Variants in NOSTRIN observed in about 807,000 individuals in gnomAD.
The protein encoded by NOSTRIN is nitric oxide synthase trafficking, also known as BM247 homolog.
A neutral mutation model predicts 59.0 loss-of-function variants in NOSTRIN; 63 were observed. The observed-to-expected ratio is 1.07, with a 90% confidence interval of 0.87 to 1.32. The LOEUF (loss-of-function observed/expected upper bound fraction) is 1.32. Among genes scored for constraint, NOSTRIN ranks in the 40% most tolerant of loss-of-function variants. NOSTRIN has a pLI of 0.00. For missense variants in NOSTRIN, 512 were observed against 473.1 expected, an observed-to-expected ratio of 1.08 and a Z score of -0.76; for synonymous variants, 200 against 165.4, an observed-to-expected ratio of 1.21 and a Z score of -1.61.
At chr2:168,848,786 C>T (rs764718648) in intron 8 of NOSTRIN, among the ~76,000 whole-genome samples, 6 of 151,842 alleles carry the variant, frequency 4.0e-5, no homozygotes, top group Non-Finnish European at 7.4e-5. Flanking sequence ...GGATGCAGAG[C>T]GTAGGAAATG....
intron 1 of NOSTRIN, among the ~76,000 whole-genome samples, chr2:168,804,388 G>T (rs1043843350): frequency 6.6e-6 from 1 of 152,122 alleles, no homozygotes; most frequent in Non-Finnish European, 1.5e-5. Flanking sequence ...TATCCCTTCA[G>T]CCTGGGTTTC....
upstream of NOSTRIN, among the ~76,000 whole-genome samples, chr2:168,794,305 G>A (rs2105501437): frequency 1.3e-5 from 2 of 151,920 alleles, no homozygotes; most frequent in African/African-American, 4.8e-5. Flanking sequence ...GTTGTGAGAG[G>A]AGCTGACTTA....
intron 2 of NOSTRIN, among the ~76,000 whole-genome samples, chr2:168,822,883 G>T (rs1364384742): frequency 6.6e-6 from 1 of 152,176 alleles, no homozygotes; most frequent in East Asian, 1.9e-4. Flanking sequence ...CCATTAGAAA[G>T]TTCTGCTTGG....
At chr2:168,811,509 C>T (rs1301804664) in intron 1 of NOSTRIN, 58 bp from the exon 2 acceptor site, 11 of 652,534 alleles carry the variant, frequency 1.7e-5, no homozygotes, top group Admixed American at 2.9e-5. Context: ...GCTCTATCTT[C>T]GGAGTTGCTC....
rs1553533476 is a variant in NOSTRIN at position 168,849,922 on chromosome 2, T to TG, written c.631-1162_631-1161insG. 3.4e-3 allele frequency among the ~76,000 whole-genome samples: 477 copies of TG among 142,012 alleles called. 6 individuals are homozygous for TG. Among genetic ancestry groups the TG allele is most frequent in the African/African-American group, 0.011 (437 of 38,454 alleles). 93.2% of individuals were successfully genotyped at this position (142,012 alleles called of 152,430 possible). Reference sequence around the variant, plus strand: ...TCCAATAAGTAACATTTTCTCATTTTTTTTTTTTTTTTGAGACAGTTTCAC... The same window carrying TG: ...TCCAATAAGTAACATTTTCTCATTTTGTTTTTTTTTTTTGAGACAGTTTCAC... On this transcript the variant is annotated intron_variant, in intron 8 of 15. Transcript: ENST00000317647.
At chr2:168,834,507 G>GCGCGCGCGCGCGCA (rs756381301) in intron 7 of NOSTRIN, among the ~76,000 whole-genome samples, 182 bp downstream of exon 7, 3 of 125,342 alleles carry the variant, frequency 2.4e-5, no homozygotes. Context: ...GCGCGCGCGC[G>GCGCGCGCGCGCGCA]CACACACACA....
intron 12 of NOSTRIN, among the ~76,000 whole-genome samples, chr2:168,857,248 C>G (rs533258530): frequency 1.3e-5 from 2 of 152,184 alleles, no homozygotes; most frequent in African/African-American, 4.8e-5. Context: ...AATACCAGCA[C>G]AATGCTCACA....
At position 168,864,866 on chromosome 2, in the gene NOSTRIN, G is replaced by A. The variant is rs531626284; in HGVS notation, c.1417G>A (p.Gly473Arg). 3.7e-6 allele frequency: 6 copies of A among 1,613,798 alleles called. No individual in the cohort carries two copies. The South Asian group carries it at 5.5e-5, about 15-fold the overall frequency. ...DIVIIHEKKE[G>R]GWWFGSLNGK... Reference sequence around the variant, plus strand: ...TGTGATTATACACGAGAAAAAAGAAGGAGGATGGTGGTTTGGATCTTTGAA... The same window carrying A: ...TGTGATTATACACGAGAAAAAAGAAAGAGGATGGTGGTTTGGATCTTTGAA... Residue 473 changes from glycine (G) to arginine (R), a missense_variant, in exon 16 of 16, where the codon GGA becomes AGA. By Grantham distance (125) the Gly-to-Arg change is moderately radical. Coordinates refer to ENST00000317647, the MANE Select transcript of NOSTRIN (RefSeq NM_001039724.4).
intron 3 of NOSTRIN, among the ~76,000 whole-genome samples, chr2:168,826,368 CTG>C (rs1048015981): frequency 1.3e-5 from 2 of 152,174 alleles, no homozygotes; most frequent in African/African-American, 4.8e-5. Context: ...ATACCGAAAT[CTG>C]TGTTAGGTAC....
chr2:168,849,500 C>T (rs1228653916), intron 8 of NOSTRIN, among the ~76,000 whole-genome samples: 1 of 151,852 alleles, frequency 6.6e-6, no homozygotes, highest in African/African-American at 2.4e-5. Flanking sequence ...GGACGACAGG[C>T]GCCCGCCACC....
intron 13 of NOSTRIN, among the ~76,000 whole-genome samples, chr2:168,860,184 T>A (rs1387341799): frequency 6.6e-6 from 1 of 152,250 alleles, no homozygotes; most frequent in Non-Finnish European, 1.5e-5. Context: ...TTCACTTGCA[T>A]TAAGCCAACT....
At chr2:168,811,714 T>C (rs1415029747) in intron 2 of NOSTRIN, 62 bp downstream of exon 2, 1 of 706,464 alleles carries the variant, frequency 1.4e-6, no homozygotes, top group Non-Finnish European at 2.5e-6. Context: ...GTGATATGAC[T>C]GGAGGAGTGA....
intron 2 of NOSTRIN, among the ~76,000 whole-genome samples, chr2:168,815,665 C>T (rs1421742281): frequency 6.6e-6 from 1 of 152,182 alleles, no homozygotes; most frequent in African/African-American, 2.4e-5. Context: ...ATCTACTCTA[C>T]CATCATCCTG....
upstream of NOSTRIN, among the ~76,000 whole-genome samples, chr2:168,794,140 C>T (rs1253993407): frequency 3.3e-5 from 5 of 152,164 alleles, no homozygotes; most frequent in South Asian, 2.1e-4. Flanking sequence ...TTGGATCTCT[C>T]GTTAATGCCT....
chr2:168,797,079 C>CTTTTTTTTTTTTTTTTTT (rs775176252), upstream of NOSTRIN, among the ~76,000 whole-genome samples: 18 of 75,034 alleles, frequency 2.4e-4, 1 homozygote, highest in African/African-American at 6.6e-4. Context: ...TTTCTTTTTT[C>CTTTTTTTTTTTTTTTTTT]TTTTTTTTTT....
At chr2:168,812,517 T>C (rs1686195805) in intron 2 of NOSTRIN, among the ~76,000 whole-genome samples, 1 of 152,156 alleles carries the variant, frequency 6.6e-6, no homozygotes, top group Admixed American at 6.6e-5. Context: ...CAGAAACTTA[T>C]TAATACATGC....
chr2:168,797,668 A>G (rs966457636), upstream of NOSTRIN, among the ~76,000 whole-genome samples: 2 of 114,690 alleles, frequency 1.7e-5, no homozygotes, highest in Admixed American at 1.7e-4. Context: ...CATAAGTGTT[A>G]ACCTTAAATT....
intron 2 of NOSTRIN, among the ~76,000 whole-genome samples, chr2:168,793,097 A>G (rs993540780): frequency 6.6e-6 from 1 of 152,174 alleles, no homozygotes; most frequent in African/African-American, 2.4e-5. Context: ...GCTTCGTTCT[A>G]GATTCCTCCC....
intron 7 of NOSTRIN, among the ~76,000 whole-genome samples, chr2:168,841,267 G>GA (rs1162066495): frequency 9.0e-6 from 1 of 111,538 alleles, no homozygotes; most frequent in African/African-American, 3.5e-5. Flanking sequence ...AAAAAGAAAA[G>GA]AAAAAGAAAG....
Sources: gnomAD v4.1 joint callset for allele counts (sites outside exome capture counted in the v4.1 genomes callset) on GRCh38, gnomAD v4.1.1 for gene constraint, MANE v1.5 for transcripts, NCBI Gene and HGNC (gene_info 2026-07-23, HGNC 2026-07-21) for gene names.